The following DPP3 variants were observed in gnomAD, a reference collection of about 807,000 sequenced individuals.
DPP3 encodes dipeptidyl peptidase 3.
A neutral mutation model predicts 89.8 loss-of-function variants in DPP3; 64 were observed. That is an observed-to-expected ratio of 0.71 (90% CI 0.58 to 0.88). DPP3 has a LOEUF of 0.88. Among genes scored for constraint, DPP3 ranks in the 40% least tolerant of loss-of-function variants. The pLI is 0.00. For missense variants in DPP3, 835 were observed against 972.5 expected (o/e 0.86, Z 1.88); for synonymous variants, 377 against 404.3 (o/e 0.93, Z 0.81).
At position 66,493,704 on chromosome 11, in the gene DPP3, G is replaced by T; in HGVS notation, c.1389+71G>T. On this transcript the variant is annotated intron_variant, in intron 12 of 17. Transcript: ENST00000531863. Reference sequence around the variant, plus strand: ...CTCCCCACAACCTGCCCTACCCAGCGGTGAAGCTGCTCCAGCCTCTGCCCT... The same window carrying T: ...CTCCCCACAACCTGCCCTACCCAGCTGTGAAGCTGCTCCAGCCTCTGCCCT... 5 of 1,477,820 alleles carry T rather than the reference G, an allele frequency of 3.4e-6. No individual in the cohort carries two copies. In the South Asian group the frequency reaches 4.9e-5, roughly 15 times the overall value. The allele number at this position is 1,477,820 out of a possible 1,614,324, so 91.5% of individuals were successfully genotyped here.
In DPP3 at chr11:66,495,233, C is replaced by T; in HGVS notation, c.1417C>T (p.Gln473Ter). ...QDEKGAFNFDQETVINPETGE... is the reference protein window; with the variant it reads ...QDEKGAFNFD ...CGAAAAAGGAGCATTCAACTTTGAC[C>T]AGGAAACAGTGATCAACCCAGAGAC... The change falls in exon 13 of 18, where the codon CAG becomes TAG. Residue 473 changes from glutamine (Q) to a stop codon, truncating the protein, a stop_gained. Transcript: ENST00000531863. LOFTEE classifies it high-confidence loss of function. 6.2e-7 allele frequency: 1 copy of T among 1,612,634 alleles called. No homozygotes were observed. The highest frequency in any genetic ancestry group is 1.7e-5 in the Admixed American group (1 of 60,020).
chr11:66,488,916 A>G (rs1855305719), intron 6 of DPP3, among the ~76,000 whole-genome samples: 1 of 152,118 alleles, frequency 6.6e-6, no homozygotes, highest in Admixed American at 6.5e-5. Flanking sequence ...CCCAGGCTAG[A>G]GTGCAGTGGT....
intron 16 of DPP3, among the ~76,000 whole-genome samples, chr11:66,497,944 T>C (rs1196397158): frequency 6.6e-6 from 1 of 152,076 alleles, no homozygotes; most frequent in East Asian, 1.9e-4. Flanking sequence ...TGTTTGTTTA[T>C]TTATTTATTA....
At chr11:66,481,913 G>A (rs1032920449) in intron 1 of DPP3, among the ~76,000 whole-genome samples, 1 of 152,180 alleles carries the variant, frequency 6.6e-6, no homozygotes, top group Non-Finnish European at 1.5e-5. Context: ...CTCCCAAAGT[G>A]CTGGGATTAC....
intron 11 of DPP3, 22 bp from the exon 12 acceptor site, chr11:66,493,519 G>T: frequency 6.2e-7 from 1 of 1,611,376 alleles, no homozygotes; most frequent in Non-Finnish European, 8.5e-7. Flanking sequence ...TGGACAGCGC[G>T]GGTCTCTGCT....
chr11:66,495,572 G>T, intron 14 of DPP3, 58 bp from the exon 15 acceptor site: 8 of 1,613,494 alleles, frequency 5.0e-6, no homozygotes, highest in Non-Finnish European at 6.8e-6. Context: ...GTAGTGGCCA[G>T]TGGGATGGGG....
At chr11:66,486,071 G>A (rs923646217) in intron 3 of DPP3, among the ~76,000 whole-genome samples, 3 of 151,944 alleles carry the variant, frequency 2.0e-5, no homozygotes, top group Non-Finnish European at 4.4e-5. Context: ...CAGAGTAGCT[G>A]GTACCACAGA....
rs769793568 is a variant in DPP3 at position 66,482,281 on chromosome 11, AC to A, written c.84del (p.Thr29GlnfsTer98). The part of the protein sequence containing the change: ...DCREAFRLLS[P>X]TERLYAYHLS... ...GCCGTGAGGCCTTCCGCCTGCTGTC[AC>A]CCACAGAGCGCCTCTATGCCTACCA... On this transcript the variant is annotated frameshift_variant, in exon 2 of 18. Transcript: ENST00000531863. LOFTEE classifies it high-confidence loss of function. 2 of 1,613,972 alleles carry A rather than the reference AC, an allele frequency of 1.2e-6. No individual in the cohort carries two copies. Among genetic ancestry groups the A allele is most frequent in the African/African-American group, 2.7e-5 (2 of 74,896 alleles).
At chr11:66,489,735 G>A (rs1331860696) in intron 6 of DPP3, among the ~76,000 whole-genome samples, 1 of 152,224 alleles carries the variant, frequency 6.6e-6, no homozygotes, top group East Asian at 1.9e-4. Context: ...GGCCTCAGCT[G>A]GGAAGACGAC....
intron 17 of DPP3, among the ~76,000 whole-genome samples, chr11:66,508,468 A>C (rs528757081): frequency 1.3e-5 from 2 of 152,292 alleles, no homozygotes; most frequent in South Asian, 2.1e-4. Context: ...GCTTCAGGAC[A>C]CCAAGGACTG....
intron 15 of DPP3, among the ~76,000 whole-genome samples, 196 bp downstream of exon 15, chr11:66,495,946 C>T (rs2134738495): frequency 6.6e-6 from 1 of 152,284 alleles, no homozygotes; most frequent in African/African-American, 2.4e-5. Context: ...GTAGGACTCT[C>T]CCCGGCCACC....
rs75996827 is a variant in DPP3, at chr11:66,505,331, C to T, written c.2041+557C>T. Among the ~76,000 whole-genome samples the T allele has an allele frequency of 6.6e-5, 10 of 152,340 alleles. No individual in the cohort carries two copies. The East Asian group carries it at 1.9e-3, about 29-fold the overall frequency. On this transcript the variant is annotated intron_variant, in intron 17 of 17. Coordinates refer to ENST00000531863, the MANE Select transcript of DPP3 (RefSeq NM_130443.4). ...TACTGCCTTCACTTTCCTCTCACCC[C>T]TTGACTCATCTTTCCTGCTACTTGT...
intron 17 of DPP3, 46 bp from the exon 18 acceptor site, chr11:66,509,033 C>G: frequency 6.3e-7 from 1 of 1,597,166 alleles, no homozygotes; most frequent in Non-Finnish European, 8.5e-7. Flanking sequence ...ATTCAGTTTC[C>G]CTATTCAGAC....
chr11:66,501,217 C>T (rs1010646046), intron 16 of DPP3, among the ~76,000 whole-genome samples: 1 of 151,174 alleles, frequency 6.6e-6, no homozygotes, highest in Admixed American at 6.6e-5. Context: ...AAAAGTTAGC[C>T]AGGCATGGTG....
At chr11:66,487,704 A>T (rs1281714505) in intron 5 of DPP3, among the ~76,000 whole-genome samples, 1 of 152,106 alleles carries the variant, frequency 6.6e-6, no homozygotes, top group Non-Finnish European at 1.5e-5. Flanking sequence ...GTCAGTGCTT[A>T]GTAGAAGTGC....
chr11:66,507,676 C>T (rs1470329756), intron 17 of DPP3, among the ~76,000 whole-genome samples: 1 of 143,122 alleles, frequency 7.0e-6, no homozygotes, highest in Non-Finnish European at 1.5e-5. Flanking sequence ...GATGGTGGTG[C>T]ACTGTAAAAA....
intron 15 of DPP3, 58 bp from the exon 16 acceptor site, chr11:66,497,240 G>A (rs1237796814): frequency 6.3e-7 from 1 of 1,576,224 alleles, no homozygotes. Flanking sequence ...CAAGGACCAA[G>A]CCTAGGACCA....
chr11:66,482,219 A>G lies in DPP3; in HGVS notation c.19A>G (p.Ile7Val), dbSNP rs747987185. 2 of 1,614,162 alleles carry G rather than the reference A, an allele frequency of 1.2e-6. No homozygotes were observed. The highest frequency in any genetic ancestry group is 1.7e-6 in the Non-Finnish European group (2 of 1,180,016). The change falls in exon 2 of 18, where the codon ATC (isoleucine) becomes GTC (valine). Residue 7 changes from isoleucine (I) to valine (V), a missense_variant. Ile to Val is a conservative substitution (Grantham distance 29). Coordinates refer to ENST00000531863, the MANE Select transcript of DPP3 (RefSeq NM_130443.4). ...AGGGCCCATGGCGGACACCCAGTAC[A>G]TCCTGCCCAATGACATCGGCGTGTC... MADTQY[I>V]LPNDIGVSSL...
At position 66,509,269 on chromosome 11, in the gene DPP3, G is replaced by A. The variant is rs1343661672; in HGVS notation, c.*18G>A. The A allele has an allele frequency of 1.3e-6, 2 of 1,593,900 alleles. No homozygotes were observed. Among genetic ancestry groups the A allele is most frequent in the Non-Finnish European group, 1.7e-6 (2 of 1,169,530 alleles). ...AAGCTTGAGGAAGATGTGTGGCCTT[G>A]CCCCCAATTCCATCAGACCAAGGCT... On this transcript the variant is annotated 3_prime_UTR_variant, in exon 18 of 18. Transcript: ENST00000531863.
Sources: gnomAD v4.1 joint callset for allele counts (sites outside exome capture counted in the v4.1 genomes callset) on GRCh38, gnomAD v4.1.1 for gene constraint, MANE v1.5 for transcripts, NCBI Gene and HGNC (gene_info 2026-07-23, HGNC 2026-07-21) for gene names.